Variants in PITPNC1 observed in about 807,000 individuals in gnomAD.
PITPNC1 encodes phosphatidylinositol transfer protein cytoplasmic 1.
PITPNC1 carries 18 observed loss-of-function variants against 44.7 expected under a neutral mutation model. That is an observed-to-expected ratio of 0.40 (90% CI 0.28 to 0.60). The LOEUF is 0.60. Ranked by LOEUF, PITPNC1 falls within the 20% of genes least tolerant of loss-of-function variation. The probability of loss-of-function intolerance (pLI) is 0.39; values close to 1 mark genes in which losing one functional copy is unlikely to be tolerated. For missense variants in PITPNC1, 290 were observed against 418.4 expected, an observed-to-expected ratio of 0.69 and a Z score of 2.68; for synonymous variants, 141 against 149.6, an observed-to-expected ratio of 0.94 and a Z score of 0.42.
intron 1 of PITPNC1, among the ~76,000 whole-genome samples, chr17:67,404,436 A>AT (rs1336172256): frequency 3.3e-5 from 5 of 152,188 alleles, no homozygotes. Flanking sequence ...TTAAGATGTC[A>AT]TTATATGAAT....
chr17:67,491,454 G>A (rs943340852), intron 1 of PITPNC1, among the ~76,000 whole-genome samples: 2 of 152,178 alleles, frequency 1.3e-5, no homozygotes, highest in Non-Finnish European at 2.9e-5. Flanking sequence ...GAATCCCCAA[G>A]TTCATGAACA....
At chr17:67,394,133 C>T (rs750676221) in intron 1 of PITPNC1, among the ~76,000 whole-genome samples, 3 of 151,966 alleles carry the variant, frequency 2.0e-5, no homozygotes, top group East Asian at 1.9e-4. Context: ...CCACCATGCC[C>T]GACCCATCTT....
At chr17:67,402,971 C>T (rs570316872) in intron 1 of PITPNC1, among the ~76,000 whole-genome samples, 1 of 152,102 alleles carries the variant, frequency 6.6e-6, no homozygotes, top group Admixed American at 6.6e-5. Flanking sequence ...CTAGCCTGAC[C>T]ACGTTTTTGA....
At chr17:67,425,203 G>GCA (rs60705271) in intron 1 of PITPNC1, among the ~76,000 whole-genome samples, 1,383 of 98,728 alleles carry the variant, frequency 0.014, 60 homozygotes, top group East Asian at 0.036. Flanking sequence ...GCACGCACAC[G>GCA]CACACACACA....
At chr17:67,429,448 C>G (rs755096770) in intron 1 of PITPNC1, among the ~76,000 whole-genome samples, 12 of 150,990 alleles carry the variant, frequency 7.9e-5, no homozygotes, top group Non-Finnish European at 1.6e-4. Context: ...ACCCGTAACC[C>G]CAGCACTTTG....
At chr17:67,678,142 G>A (rs990213345) in intron 8 of PITPNC1, among the ~76,000 whole-genome samples, 8 of 152,032 alleles carry the variant, frequency 5.3e-5, no homozygotes, top group Non-Finnish European at 1.2e-4. Context: ...CTTGAGCCCA[G>A]GAGCTGGAGG....
chr17:67,385,514 C>T (rs1033287711), intron 1 of PITPNC1, among the ~76,000 whole-genome samples: 11 of 140,790 alleles, frequency 7.8e-5, no homozygotes, highest in Admixed American at 1.4e-4. Context: ...ACCTTCCAGG[C>T]TGTGGAAGCT....
chr17:67,670,606 C>T (rs544527912), intron 7 of PITPNC1, among the ~76,000 whole-genome samples: 15 of 151,650 alleles, frequency 9.9e-5, no homozygotes, highest in African/African-American at 3.4e-4. Context: ...AAAAATTAGC[C>T]GGGTGTGGTG....
chr17:67,492,098 C>T (rs1351796516), intron 1 of PITPNC1, among the ~76,000 whole-genome samples: 2 of 151,444 alleles, frequency 1.3e-5, no homozygotes, highest in Non-Finnish European at 2.9e-5. Flanking sequence ...AAAAAAAATC[C>T]TTATGGATAT....
At chr17:67,428,864 G>A (rs1176509512) in intron 1 of PITPNC1, among the ~76,000 whole-genome samples, 8 of 111,448 alleles carry the variant, frequency 7.2e-5, no homozygotes, top group South Asian at 5.8e-4. Flanking sequence ...TTTTTGAGAC[G>A]GAGTCTCGCT....
chr17:67,421,617 C>T (rs1258165326), intron 1 of PITPNC1, among the ~76,000 whole-genome samples: 1 of 152,132 alleles, frequency 6.6e-6, no homozygotes, highest in Non-Finnish European at 1.5e-5. Context: ...TTTTGTTATT[C>T]TAAAGTCTTC....
chr17:67,440,637 A>C (rs1197600764), intron 1 of PITPNC1, among the ~76,000 whole-genome samples: 1 of 151,016 alleles, frequency 6.6e-6, no homozygotes, highest in Non-Finnish European at 1.5e-5. Context: ...AGCTTGGGTA[A>C]TCCTCCCACC....
intron 5 of PITPNC1, among the ~76,000 whole-genome samples, chr17:67,591,944 C>A (rs745468888): frequency 2.3e-4 from 34 of 150,230 alleles, no homozygotes; most frequent in Non-Finnish European, 4.1e-4. Flanking sequence ...AACTCCTGGG[C>A]TCGAATGATC....
chr17:67,692,544 GT>G (rs749021385), intron 8 of PITPNC1, 27 bp from the exon 9 acceptor site: 48 of 1,554,222 alleles, frequency 3.1e-5, no homozygotes, highest in Non-Finnish European at 4.2e-5. Context: ...ATAACTGCTC[GT>G]TTTTCTTTCT....
chr17:67,522,870 A>G (rs1237637179), intron 1 of PITPNC1, among the ~76,000 whole-genome samples: 1 of 151,612 alleles, frequency 6.6e-6, no homozygotes, highest in Non-Finnish European at 1.5e-5. Flanking sequence ...CCATCTCCCT[A>G]TGTTGTCCAG....
In PITPNC1 at chr17:67,620,241, A is replaced by G. The variant is rs865775333; in HGVS notation, c.367-11902A>G. On this transcript the variant is annotated intron_variant, in intron 5 of 8. Transcript: ENST00000581322. ...ACGAATTTTTAAAATTTTTGTAGAG[A>G]CAGGGTCTCACTATGTTGCCCCGGC... Among the ~76,000 whole-genome samples, 16 of 152,124 alleles carry G rather than the reference A, an allele frequency of 1.1e-4. 1 individual carries two copies. In the South Asian group the frequency reaches 3.3e-3, roughly 32 times the overall value.
chr17:67,442,204 C>CATATGTGT (rs2039021633), intron 1 of PITPNC1, among the ~76,000 whole-genome samples: 1 of 54,218 alleles, frequency 1.8e-5, no homozygotes, highest in African/African-American at 5.0e-5. Context: ...GGAAAATAAG[C>CATATGTGT]ATATATATAT....
chr17:67,658,300 C>G (rs2042296855), intron 6 of PITPNC1, among the ~76,000 whole-genome samples: 1 of 152,228 alleles, frequency 6.6e-6, no homozygotes, highest in South Asian at 2.1e-4. Context: ...GATCCCCACC[C>G]TTCACCTATT....
intron 6 of PITPNC1, among the ~76,000 whole-genome samples, chr17:67,654,782 G>A (rs934739701): frequency 9.9e-5 from 15 of 152,064 alleles, no homozygotes; most frequent in Admixed American, 2.6e-4. Context: ...ACAGGAGCGC[G>A]CCACCACGCC....
Sources: allele counts gnomAD v4.1 joint callset (sites outside exome capture counted in the v4.1 genomes callset), GRCh38; gene constraint gnomAD v4.1.1; transcripts MANE v1.5; gene names NCBI Gene and HGNC (gene_info 2026-07-23, HGNC 2026-07-21).